Variants in STEAP1B observed in about 807,000 individuals in gnomAD.
STEAP1B encodes the protein STEAP family protein MGC87042.
In STEAP1B, 13 loss-of-function variants were observed where a neutral mutation model predicts 27.9. That is an observed-to-expected ratio of 0.47 (90% confidence interval 0.30 to 0.74). The LOEUF (loss-of-function observed/expected upper bound fraction) is 0.74. STEAP1B is among the 30% of genes least tolerant of loss of function. The pLI, the probability that STEAP1B is intolerant of heterozygous loss-of-function variation, is 0.06. For synonymous variants in STEAP1B, 86 were observed against 107.1 expected (o/e 0.80, Z 1.22); for missense variants, 250 against 298.7 (o/e 0.84, Z 1.20).
At chr7:22,484,043 T>C (rs377721168) in intron 4 of STEAP1B, among the ~76,000 whole-genome samples, 1 of 152,216 alleles carries the variant, frequency 6.6e-6, no homozygotes, top group African/African-American at 2.4e-5. Context: ...GCTACCAGGT[T>C]GGTTCATGAG....
Position 22,493,374 on chromosome 7 carries a change from C to T in STEAP1B, c.547G>A (p.Ala183Thr), listed in dbSNP as rs200956861. ...TTGTATCTGTAGGATCGCCTCATTG[C>T]GTAAGACAGAGTATAAATTGCATGC... Reference protein sequence around the residue: ...VLHAIYTLSYAMRRSYRYKLL... With the variant: ...VLHAIYTLSYTMRRSYRYKLL... The change falls in exon 3 of 5, where the codon GCA becomes ACA. Residue 183 changes from alanine (A) to threonine (T), a missense_variant. Coordinates refer to ENST00000678116, the MANE Select transcript of STEAP1B (RefSeq NM_001382447.1). 1,725 of 1,614,138 alleles carry T rather than the reference C, an allele frequency of 1.1e-3. 2 individuals are homozygous for T. Among genetic ancestry groups the T allele is most frequent in the Non-Finnish European group, 1.4e-3 (1,640 of 1,180,028 alleles).
chr7:22,457,998 CA>C (rs1785615811), intron 4 of STEAP1B, among the ~76,000 whole-genome samples: 1 of 152,222 alleles, frequency 6.6e-6, no homozygotes, highest in Admixed American at 6.5e-5. Flanking sequence ...CCCAGCCAAA[CA>C]TACAACAGCT....
intron 4 of STEAP1B, among the ~76,000 whole-genome samples, chr7:22,431,962 T>C (rs1418596638): frequency 1.3e-5 from 2 of 152,190 alleles, no homozygotes; most frequent in Non-Finnish European, 2.9e-5. Context: ...GTCCTTGCTA[T>C]GGTCTGAATG....
chr7:22,465,007 T>C lies in STEAP1B; in HGVS notation c.762+27558A>G, dbSNP rs1023745518. Among the ~76,000 whole-genome samples the C allele has an allele frequency of 2.6e-5, 3 of 116,548 alleles. No homozygotes were observed. The South Asian group carries it at 8.6e-4, about 33-fold the overall frequency. 76.5% of individuals were successfully genotyped at this position (116,548 alleles called of 152,430 possible). On this transcript the variant is annotated intron_variant, in intron 4 of 4. Coordinates refer to ENST00000678116, the MANE Select transcript of STEAP1B (RefSeq NM_001382447.1). ...TTAACAATAATAACTAGTAATTCAA[T>C]AGAACAATTACAACAATATGCCAGC...
chr7:22,457,611 G>A (rs555526561), intron 4 of STEAP1B, among the ~76,000 whole-genome samples: 3 of 152,256 alleles, frequency 2.0e-5, no homozygotes, highest in Non-Finnish European at 4.4e-5. Context: ...TGCACTGTAA[G>A]ATGTGAAGTC....
chr7:22,475,676 T>C (rs1785959854), intron 4 of STEAP1B, among the ~76,000 whole-genome samples: 2 of 152,304 alleles, frequency 1.3e-5, no homozygotes, highest in South Asian at 4.1e-4. Flanking sequence ...TGACCCTGCA[T>C]GGCAGATGCA....
chr7:22,449,829 T>C (rs1410780925), intron 4 of STEAP1B, among the ~76,000 whole-genome samples: 1 of 152,222 alleles, frequency 6.6e-6, no homozygotes, highest in Non-Finnish European at 1.5e-5. Flanking sequence ...CTTTTGGATA[T>C]AAGCCATTTT....
intron 4 of STEAP1B, among the ~76,000 whole-genome samples, chr7:22,439,415 G>C (rs754010764): frequency 2.6e-5 from 4 of 152,036 alleles, no homozygotes; most frequent in Non-Finnish European, 5.9e-5. Flanking sequence ...CAGATTATCA[G>C]CTAGTTCCAA....
intron 4 of STEAP1B, among the ~76,000 whole-genome samples, chr7:22,430,690 C>T (rs535557200): frequency 6.6e-6 from 1 of 152,266 alleles, no homozygotes; most frequent in East Asian, 1.9e-4. Context: ...TCAACAGCCA[C>T]GTTTTTCTCA....
At chr7:22,425,642 CAAT>C (rs1785096221) in intron 4 of STEAP1B, among the ~76,000 whole-genome samples, 1 of 152,130 alleles carries the variant, frequency 6.6e-6, no homozygotes, top group Admixed American at 6.5e-5. Flanking sequence ...TCACCAGAGC[CAAT>C]AATAACTTTT....
intron 4 of STEAP1B, among the ~76,000 whole-genome samples, chr7:22,464,914 G>C (rs1297311262): frequency 6.3e-5 from 5 of 79,720 alleles, no homozygotes; most frequent in Non-Finnish European, 1.4e-4. Flanking sequence ...AAGACCCCCA[G>C]TGGATACCCG....
chr7:22,426,527 A>G (rs1279150204), intron 4 of STEAP1B, among the ~76,000 whole-genome samples: 1 of 152,234 alleles, frequency 6.6e-6, no homozygotes, highest in Admixed American at 6.5e-5. Context: ...GTTAAGTTAG[A>G]TCTTCCAAAA....
chr7:22,487,804 CAAAA>C (rs200447382), intron 4 of STEAP1B, among the ~76,000 whole-genome samples: 3 of 81,352 alleles, frequency 3.7e-5, no homozygotes, highest in Non-Finnish European at 5.1e-5. Context: ...AAACTCCACC[CAAAA>C]AAAAAAAAAA....
At chr7:22,466,973 A>G (rs1207290467) in intron 4 of STEAP1B, among the ~76,000 whole-genome samples, 2 of 152,242 alleles carry the variant, frequency 1.3e-5, no homozygotes, top group African/African-American at 2.4e-5. Flanking sequence ...TGTAAGTACT[A>G]TAGAAGTTAA....
intron 4 of STEAP1B, among the ~76,000 whole-genome samples, chr7:22,465,315 A>G (rs1785757911): frequency 6.6e-6 from 1 of 152,136 alleles, no homozygotes; most frequent in Admixed American, 6.5e-5. Flanking sequence ...TCGACCTTGG[A>G]TAAGCGAAAC....
At chr7:22,436,356 C>A (rs1785253921) in intron 4 of STEAP1B, among the ~76,000 whole-genome samples, 1 of 152,036 alleles carries the variant, frequency 6.6e-6, no homozygotes, top group African/African-American at 2.4e-5. Flanking sequence ...AAGATTTCTC[C>A]CATCATCATT....
chr7:22,423,748 G>T (rs765671869), intron 4 of STEAP1B, among the ~76,000 whole-genome samples: 9 of 152,196 alleles, frequency 5.9e-5, no homozygotes, highest in Non-Finnish European at 1.3e-4. Context: ...TTTAAAATAG[G>T]CCAGGCACAG....
At chr7:22,499,465 A>G (rs1786498680) in intron 1 of STEAP1B, among the ~76,000 whole-genome samples, 1 of 151,828 alleles carries the variant, frequency 6.6e-6, no homozygotes. Context: ...ATAACCTTTT[A>G]TTACACGTCA....
intron 4 of STEAP1B, among the ~76,000 whole-genome samples, chr7:22,431,753 C>G (rs562969361): frequency 2.5e-4 from 38 of 152,338 alleles, no homozygotes; most frequent in African/African-American, 9.1e-4. Flanking sequence ...CAACTATTTC[C>G]CCAGCTGGCT....
Sources: allele counts gnomAD v4.1 joint callset (sites outside exome capture counted in the v4.1 genomes callset), GRCh38; gene constraint gnomAD v4.1.1; transcripts MANE v1.5; gene names NCBI Gene and HGNC (gene_info 2026-07-23, HGNC 2026-07-21).